UBE2E3: variants seen among roughly 807,000 people sequenced by gnomAD.
The protein encoded by UBE2E3 is ubiquitin conjugating enzyme E2 E3, also known as ubiquitin-conjugating enzyme E2 E3.
In UBE2E3, 5 loss-of-function variants were observed where a neutral mutation model predicts 23.6. The observed-to-expected ratio is 0.21, with a 90% confidence interval of 0.11 to 0.44. The LOEUF (loss-of-function observed/expected upper bound fraction) is 0.44, where lower values mean the gene tolerates loss of function less well. Ranked by LOEUF, UBE2E3 falls within the 20% of genes least tolerant of loss-of-function variation. The pLI is 0.99. For missense variants in UBE2E3, 81 were observed against 249.8 expected (o/e 0.32, Z 4.55); for synonymous variants, 78 against 87.5 (o/e 0.89, Z 0.60).
intron 3 of UBE2E3, among the ~76,000 whole-genome samples, chr2:181,036,081 GCAGGCAA>G (rs750899215): frequency 2.1e-4 from 32 of 152,276 alleles, no homozygotes; most frequent in Non-Finnish European, 2.6e-4. Context: ...TTGGCTCACA[GCAGGCAA>G]CAGGCAACAT....
intron 3 of UBE2E3, among the ~76,000 whole-genome samples, chr2:181,036,728 A>C (rs548499676): frequency 6.6e-6 from 1 of 152,148 alleles, no homozygotes; most frequent in Non-Finnish European, 1.5e-5. Flanking sequence ...ACAATACTCT[A>C]ACTTGTTTTT....
intron 3 of UBE2E3, among the ~76,000 whole-genome samples, chr2:180,995,205 G>C (rs995543913): frequency 6.6e-6 from 1 of 152,052 alleles, no homozygotes; most frequent in Non-Finnish European, 1.5e-5. Context: ...TGGGACCCAT[G>C]GTGTTAGTGG....
intron 3 of UBE2E3, among the ~76,000 whole-genome samples, chr2:181,035,979 G>A (rs1447319743): frequency 6.6e-6 from 1 of 152,198 alleles, no homozygotes; most frequent in Non-Finnish European, 1.5e-5. Flanking sequence ...TGTCAGTACA[G>A]TGCATTCTTC....
At chr2:180,997,382 T>C (rs192732146) in intron 3 of UBE2E3, among the ~76,000 whole-genome samples, 42 of 152,262 alleles carry the variant, frequency 2.8e-4, no homozygotes, top group Admixed American at 2.6e-3. Context: ...ATATGACTTA[T>C]TCTGTTTCTT....
intron 3 of UBE2E3, among the ~76,000 whole-genome samples, chr2:181,009,837 G>C (rs1250136874): frequency 6.6e-6 from 1 of 152,058 alleles, no homozygotes; most frequent in East Asian, 1.9e-4. Context: ...TATTAATAAA[G>C]TGCACTGGCA....
In UBE2E3 at chr2:180,988,190, A is replaced by AT. The variant is rs1192816192; in HGVS notation, c.245+4098dup. Among the ~76,000 whole-genome samples, 6 of 152,290 alleles carry AT rather than the reference A, an allele frequency of 3.9e-5. No homozygotes were observed. The East Asian group carries it at 1.2e-3, about 29-fold the overall frequency. ...GAGTCAGTAAAGTGGCCACAGCAAGATAAAAATGGGAGAGACAGTGTAGCC... is the reference window on the plus strand; with the variant it reads ...GAGTCAGTAAAGTGGCCACAGCAAGATTAAAAATGGGAGAGACAGTGTAGCC... On this transcript the variant is annotated intron_variant, in intron 3 of 5. Transcript: ENST00000410062.
At chr2:180,996,598 A>G (rs967798185) in intron 3 of UBE2E3, among the ~76,000 whole-genome samples, 2 of 152,180 alleles carry the variant, frequency 1.3e-5, no homozygotes, top group Non-Finnish European at 2.9e-5. Flanking sequence ...TCTGCTGACT[A>G]AATGCTATGT....
At chr2:181,030,135 C>T (rs912716870) in intron 3 of UBE2E3, among the ~76,000 whole-genome samples, 33 of 151,946 alleles carry the variant, frequency 2.2e-4, no homozygotes, top group Admixed American at 2.0e-3. Flanking sequence ...CCTGGCTCCT[C>T]TATTTTTCCA....
chr2:181,001,489 CA>C (rs1293410672), intron 3 of UBE2E3, among the ~76,000 whole-genome samples: 2 of 151,998 alleles, frequency 1.3e-5, no homozygotes, highest in African/African-American at 4.8e-5. Flanking sequence ...GGAAATACAA[CA>C]AAAGAGACAA....
At chr2:181,050,025 T>C (rs1686777697) in intron 3 of UBE2E3, among the ~76,000 whole-genome samples, 1 of 151,920 alleles carries the variant, frequency 6.6e-6, no homozygotes, top group African/African-American at 2.4e-5. Flanking sequence ...ATCACAGTAA[T>C]TTACAAAAAG....
At chr2:181,028,327 GTTTAT>G (rs1231687200) in intron 3 of UBE2E3, among the ~76,000 whole-genome samples, 1 of 151,976 alleles carries the variant, frequency 6.6e-6, no homozygotes, top group East Asian at 1.9e-4. Flanking sequence ...GGTGTTCCAT[GTTTAT>G]TTTGTTTTTT....
At chr2:181,016,431 T>TA (rs1230791863) in intron 3 of UBE2E3, among the ~76,000 whole-genome samples, 2 of 152,174 alleles carry the variant, frequency 1.3e-5, no homozygotes, top group Middle Eastern at 3.4e-3. Context: ...GTCAGAGCTA[T>TA]AAAAAAACTC....
At chr2:180,989,620 A>C (rs150450068) in intron 3 of UBE2E3, among the ~76,000 whole-genome samples, 1 of 152,194 alleles carries the variant, frequency 6.6e-6, no homozygotes, top group Admixed American at 6.5e-5. Flanking sequence ...GTGTGACTGG[A>C]AACATTTTCC....
intron 3 of UBE2E3, among the ~76,000 whole-genome samples, chr2:181,044,791 T>C (rs1686623290): frequency 6.6e-6 from 1 of 152,216 alleles, no homozygotes; most frequent in African/African-American, 2.4e-5. Flanking sequence ...AATTGCTCAC[T>C]AGTTTCTGAT....
chr2:181,014,883 A>G (rs1451366937), intron 3 of UBE2E3, among the ~76,000 whole-genome samples: 1 of 152,170 alleles, frequency 6.6e-6, no homozygotes, highest in East Asian at 1.9e-4. Context: ...CTACTTTGAA[A>G]TATATAATAA....
Position 181,057,717 on chromosome 2 carries a change from T to G in UBE2E3, c.270T>G (p.Ile90Met), listed in dbSNP as rs1687026740. The G allele has an allele frequency of 1.2e-6, 2 of 1,610,068 alleles. No individual in the cohort carries two copies. The highest frequency in any genetic ancestry group is 1.7e-6 in the Non-Finnish European group (2 of 1,177,924). The change falls in exon 4 of 6, where the codon ATT becomes ATG. Residue 90 changes from isoleucine (I) to methionine (M), a missense_variant. By Grantham distance (10) the Ile-to-Met change is conservative (BLOSUM62 1). Transcript: ENST00000410062. ...GTGCTGGGCCTAAAGGAGATAACAT[T>G]TATGAATGGAGATCAACTATACTTG... ...NCSAGPKGDN[I>M]YEWRSTILGP...
chr2:180,989,530 T>C (rs1440185216), intron 3 of UBE2E3, among the ~76,000 whole-genome samples: 4 of 152,164 alleles, frequency 2.6e-5, no homozygotes, highest in African/African-American at 7.2e-5. Context: ...TGTTTTTGCT[T>C]ATAAGAGGAA....
At chr2:181,039,583 C>A (rs544814251) in intron 3 of UBE2E3, among the ~76,000 whole-genome samples, 2 of 152,178 alleles carry the variant, frequency 1.3e-5, no homozygotes, top group East Asian at 3.9e-4. Flanking sequence ...CCATCCTGAG[C>A]AACATGGCGA....
chr2:180,983,923 C>T, intron 2 of UBE2E3, 120 bp from the exon 3 acceptor site: 3 of 668,838 alleles, frequency 4.5e-6, no homozygotes, highest in Non-Finnish European at 4.9e-6. Context: ...GCCATGTTAG[C>T]ATTACTGAAG....
Sources: gnomAD v4.1 joint callset for allele counts (sites outside exome capture counted in the v4.1 genomes callset) on GRCh38, gnomAD v4.1.1 for gene constraint, MANE v1.5 for transcripts, NCBI Gene and HGNC (gene_info 2026-07-23, HGNC 2026-07-21) for gene names.